The following BLTP3A variants were observed in gnomAD, a reference collection of about 807,000 sequenced individuals.
The protein encoded by BLTP3A is bridge-like lipid transfer protein family member 3A.
At chr6:34,868,882 C>A in the BLTP3A span, among the ~76,000 whole-genome samples, 1 of 151,828 alleles carries the variant, frequency 6.6e-6, no homozygotes, top group African/African-American at 2.4e-5. Flanking sequence ...TAGAGCAAGA[C>A]CCTGTCTCTT....
the BLTP3A span, chr6:34,870,947 A>T: frequency 1.2e-6 from 2 of 1,614,090 alleles, no homozygotes; most frequent in South Asian, 1.1e-5. Flanking sequence ...GCAGCTGTTC[A>T]TTCCCCCCTG....
the BLTP3A span, among the ~76,000 whole-genome samples, chr6:34,839,932 G>A: frequency 1.3e-5 from 2 of 152,376 alleles, no homozygotes; most frequent in Admixed American, 6.5e-5. Context: ...GCTGTGCCAT[G>A]CCGTGCTGTG....
At chr6:34,799,088 C>T in the BLTP3A span, among the ~76,000 whole-genome samples, 1 of 151,930 alleles carries the variant, frequency 6.6e-6, no homozygotes, top group Non-Finnish European at 1.5e-5. Context: ...ACTATAGGTG[C>T]CCGCCACCAG....
the BLTP3A span, among the ~76,000 whole-genome samples, chr6:34,802,198 ATTAT>A: frequency 3.3e-5 from 5 of 151,806 alleles, no homozygotes; most frequent in South Asian, 2.1e-4. Context: ...TTTATTATTT[ATTAT>A]TTATTTATTT....
At chr6:34,851,856 T>C in the BLTP3A span, among the ~76,000 whole-genome samples, 4 of 152,102 alleles carry the variant, frequency 2.6e-5, no homozygotes, top group Admixed American at 1.3e-4. Context: ...TCCCACTCTT[T>C]CCCTTCCTTT....
chr6:34,795,403 T>A, the BLTP3A span, among the ~76,000 whole-genome samples: 1 of 149,876 alleles, frequency 6.7e-6, no homozygotes, highest in Non-Finnish European at 1.5e-5. Context: ...TTTTGTTTTT[T>A]GTTTTTTTTT....
the BLTP3A span, chr6:34,867,184 T>A: frequency 6.4e-7 from 1 of 1,567,388 alleles, no homozygotes. Context: ...TTGAACAGAA[T>A]ATTTTGACTT....
At chr6:34,865,775 C>T in the BLTP3A span, among the ~76,000 whole-genome samples, 7 of 152,200 alleles carry the variant, frequency 4.6e-5, no homozygotes, top group South Asian at 6.2e-4. Flanking sequence ...GAGAATGCAC[C>T]GTTTCTTAAG....
At chr6:34,837,017 AGTT>A in the BLTP3A span, among the ~76,000 whole-genome samples, 1 of 152,230 alleles carries the variant, frequency 6.6e-6, no homozygotes, top group African/African-American at 2.4e-5. Context: ...TTACCTCAAA[AGTT>A]GTTGTCAGGC....
the BLTP3A span, among the ~76,000 whole-genome samples, chr6:34,850,945 C>T: frequency 1.3e-5 from 2 of 152,184 alleles, no homozygotes; most frequent in East Asian, 1.9e-4. Context: ...TCTCACTTTG[C>T]TTTGGGAGCA....
chr6:34,872,594 A>G, the BLTP3A span: 1 of 939,708 alleles, frequency 1.1e-6, no homozygotes. Context: ...GCTTTCCACT[A>G]GCTGTTCTTA....
chr6:34,823,581 C>T, the BLTP3A span, among the ~76,000 whole-genome samples: 5 of 144,514 alleles, frequency 3.5e-5, no homozygotes, highest in Non-Finnish European at 7.5e-5. Context: ...CTTGCTCTGT[C>T]ACCCAGGCTG....
the BLTP3A span, among the ~76,000 whole-genome samples, chr6:34,804,115 C>G: frequency 0.44 from 66,528 of 151,834 alleles, 16,366 homozygotes; most frequent in African/African-American, 0.67. Context: ...GGCTCTGGCT[C>G]TTTAGTCCTC....
the BLTP3A span, among the ~76,000 whole-genome samples, chr6:34,814,563 G>T: frequency 6.6e-6 from 1 of 152,192 alleles, no homozygotes; most frequent in African/African-American, 2.4e-5. Context: ...AGTGCTTGAA[G>T]AACTCTTGGT....
At chr6:34,816,527 A>T in the BLTP3A span, among the ~76,000 whole-genome samples, 1 of 152,128 alleles carries the variant, frequency 6.6e-6, no homozygotes, top group Non-Finnish European at 1.5e-5. Flanking sequence ...TGGGAGGGTC[A>T]CTTGAGCCCC....
At chr6:34,849,681 G>A in the BLTP3A span, among the ~76,000 whole-genome samples, 3 of 152,096 alleles carry the variant, frequency 2.0e-5, 1 homozygote, top group South Asian at 6.2e-4. Flanking sequence ...ACCATCAGAT[G>A]ATTTCTTATT....
the BLTP3A span, among the ~76,000 whole-genome samples, chr6:34,814,527 G>A: frequency 1.4e-3 from 209 of 152,312 alleles, no homozygotes; most frequent in African/African-American, 4.8e-3. Flanking sequence ...TCCAGCAGAC[G>A]TGCATGCACC....
chr6:34,821,258 CTCTG>C, the BLTP3A span, among the ~76,000 whole-genome samples: 1 of 152,204 alleles, frequency 6.6e-6, no homozygotes, highest in African/African-American at 2.4e-5. Context: ...GCCCGGCTCC[CTCTG>C]TCTGTTTTTA....
At chr6:34,867,106 G>T in the BLTP3A span, 37 of 1,118,216 alleles carry the variant, frequency 3.3e-5, no homozygotes, top group Middle Eastern at 1.2e-3. Flanking sequence ...CAAATTTCTA[G>T]TTGTCTCATG....
Sources: gnomAD v4.1 joint callset for allele counts (sites outside exome capture counted in the v4.1 genomes callset) on GRCh38, gnomAD v4.1.1 for gene constraint, MANE v1.5 for transcripts, NCBI Gene and HGNC (gene_info 2026-07-23, HGNC 2026-07-21) for gene names.